ADARB2: variants seen among roughly 807,000 people sequenced by gnomAD.
ADARB2 encodes adenosine deaminase RNA specific B2 (inactive), also known as inactive double-stranded RNA-specific editase B2.
In ADARB2, 25 loss-of-function variants were observed where a neutral mutation model predicts 62.2. The ratio of observed to expected loss-of-function variants is 0.40; its 90% CI spans 0.29 to 0.56. The LOEUF (loss-of-function observed/expected upper bound fraction) is 0.56. ADARB2 is among the 20% of genes least tolerant of loss of function. The pLI, the probability that ADARB2 is intolerant of heterozygous loss-of-function variation, is 0.43. For missense variants in ADARB2, 1,071 were observed against 1,077.4 expected, an observed-to-expected ratio of 0.99 and a Z score of 0.08; for synonymous variants, 572 against 500.8, an observed-to-expected ratio of 1.14 and a Z score of -1.90.
At chr10:1,731,238 C>A (rs1835228447) in intron 1 of ADARB2, among the ~76,000 whole-genome samples, 1 of 152,274 alleles carries the variant, frequency 6.6e-6, no homozygotes, top group South Asian at 2.1e-4. Context: ...GGCCTACGAG[C>A]CCTGTTTGCT....
At chr10:1,672,468 C>T (rs903831694) in intron 1 of ADARB2, among the ~76,000 whole-genome samples, 1 of 152,218 alleles carries the variant, frequency 6.6e-6, no homozygotes, top group Non-Finnish European at 1.5e-5. Context: ...AATCCCTCCG[C>T]CAGGAAGGTC....
At chr10:1,449,073 G>T (rs746174271) in intron 1 of ADARB2, among the ~76,000 whole-genome samples, 25 of 152,320 alleles carry the variant, frequency 1.6e-4, no homozygotes, top group Middle Eastern at 3.4e-3. Context: ...ATGAATGGTT[G>T]CGGTCACTGG....
intron 1 of ADARB2, among the ~76,000 whole-genome samples, chr10:1,458,807 T>C (rs1416265274): frequency 6.6e-6 from 1 of 152,252 alleles, no homozygotes; most frequent in East Asian, 1.9e-4. Flanking sequence ...TGTACATTTC[T>C]AAGTTTAACA....
chr10:1,731,733 C>T (rs559385875), intron 1 of ADARB2, among the ~76,000 whole-genome samples: 1 of 152,300 alleles, frequency 6.6e-6, no homozygotes, highest in African/African-American at 2.4e-5. Flanking sequence ...AGGTTCTCGG[C>T]CACACACCAG....
At chr10:1,389,250 A>G (rs935401064) in intron 1 of ADARB2, among the ~76,000 whole-genome samples, 1 of 152,222 alleles carries the variant, frequency 6.6e-6, no homozygotes, top group Non-Finnish European at 1.5e-5. Context: ...CTTAGCTAGG[A>G]GATAGAAAGC....
At chr10:1,437,574 A>G (rs1033909096) in intron 1 of ADARB2, among the ~76,000 whole-genome samples, 1 of 152,158 alleles carries the variant, frequency 6.6e-6, no homozygotes, top group Non-Finnish European at 1.5e-5. Flanking sequence ...CTCCTGCCCT[A>G]AGAGAGTTGA....
intron 4 of ADARB2, among the ~76,000 whole-genome samples, chr10:1,258,536 A>C (rs1831102019): frequency 6.6e-6 from 1 of 152,238 alleles, no homozygotes. Flanking sequence ...ACCAACAAAG[A>C]TCAAAAGAGA....
intron 1 of ADARB2, among the ~76,000 whole-genome samples, chr10:1,460,014 C>G (rs1259494659): frequency 3.1e-5 from 3 of 97,504 alleles, no homozygotes; most frequent in Non-Finnish European, 4.7e-5. Context: ...ACCTGCGTAA[C>G]AAACCTGCCT....
chr10:1,195,398 T>TG (rs1448811749), intron 8 of ADARB2, among the ~76,000 whole-genome samples: 2 of 135,654 alleles, frequency 1.5e-5, no homozygotes, highest in Non-Finnish European at 3.0e-5. Flanking sequence ...AGTTTTTTTT[T>TG]TGTTTTTTTT....
chr10:1,193,983 A>G (rs1751563204), intron 8 of ADARB2, among the ~76,000 whole-genome samples: 1 of 152,090 alleles, frequency 6.6e-6, no homozygotes, highest in African/African-American at 2.4e-5. Flanking sequence ...TGTCTTGGAA[A>G]TTCTTAGTTG....
intron 3 of ADARB2, chr10:1,290,573 A>G (rs4880811): frequency 0.26 from 39,256 of 152,154 alleles, 6,510 homozygotes; most frequent in East Asian, 0.67. Context: ...CCTGACCACA[A>G]TGTTAGAGGT....
intron 1 of ADARB2, chr10:1,557,014 C>T: frequency 2.6e-6 from 1 of 377,384 alleles, no homozygotes; most frequent in Non-Finnish European, 5.4e-6. Flanking sequence ...CACTTTTCTT[C>T]TTGAGTCCTG....
intron 1 of ADARB2, among the ~76,000 whole-genome samples, chr10:1,577,645 G>A (rs1352728498): frequency 1.3e-5 from 2 of 152,130 alleles, no homozygotes; most frequent in East Asian, 1.9e-4. Flanking sequence ...CCCAGGGGAC[G>A]GTGGGAAAGG....
chr10:1,348,962 AGAGAGGGCTCAGGG>A (rs202192465), intron 3 of ADARB2, among the ~76,000 whole-genome samples: 6,168 of 152,156 alleles, frequency 0.041, 149 homozygotes, highest in South Asian at 0.1. Flanking sequence ...TGGGGGAAGG[AGAGAGGGCTCAGGG>A]GAGAGGGCTC....
At chr10:1,554,030 C>T (rs369063577) in intron 1 of ADARB2, among the ~76,000 whole-genome samples, 13 of 152,314 alleles carry the variant, frequency 8.5e-5, no homozygotes, top group East Asian at 7.7e-4. Flanking sequence ...AGCTCTGCTC[C>T]GTCCTCTCAG....
intron 4 of ADARB2, among the ~76,000 whole-genome samples, chr10:1,263,805 T>C (rs1158304355): frequency 6.6e-6 from 1 of 152,240 alleles, no homozygotes; most frequent in Non-Finnish European, 1.5e-5. Context: ...ACCCTGTGAA[T>C]TATTCCAGGC....
chr10:1,323,417 G>A (rs1238485428), intron 3 of ADARB2, among the ~76,000 whole-genome samples: 1 of 152,072 alleles, frequency 6.6e-6, no homozygotes, highest in Non-Finnish European at 1.5e-5. Flanking sequence ...CTATAGTGTG[G>A]TGCAATTCTT....
intron 1 of ADARB2, among the ~76,000 whole-genome samples, chr10:1,563,857 A>G (rs1832822028): frequency 7.2e-6 from 1 of 139,592 alleles, no homozygotes. Context: ...TTCAATTCCT[A>G]CCTATGAGTG....
chr10:1,187,957 C>G, intron 8 of ADARB2: 1 of 265,556 alleles, frequency 3.8e-6, no homozygotes, highest in Admixed American at 3.7e-5. Flanking sequence ...TCATTCAGTT[C>G]TAACTACAAC....
Sources: gnomAD v4.1 joint callset for allele counts (sites outside exome capture counted in the v4.1 genomes callset) on GRCh38, gnomAD v4.1.1 for gene constraint, MANE v1.5 for transcripts, NCBI Gene and HGNC (gene_info 2026-07-23, HGNC 2026-07-21) for gene names.